The following JARID2 variants were observed in gnomAD, a reference collection of about 807,000 sequenced individuals.
JARID2 encodes jumonji and AT-rich interaction domain containing 2.
Under a neutral mutation model 125.6 loss-of-function variants are expected in JARID2, and 21 were observed. That is an observed-to-expected ratio of 0.17 (90% CI 0.12 to 0.24). The LOEUF (loss-of-function observed/expected upper bound fraction) is 0.24. Among genes scored for constraint, JARID2 ranks in the 10% least tolerant of loss-of-function variants. The probability of loss-of-function intolerance (pLI) is 1.00; values close to 1 mark genes in which losing one functional copy is unlikely to be tolerated. For missense variants in JARID2, 1,303 were observed against 1,639.6 expected (o/e 0.79, Z 3.55); for synonymous variants, 736 against 661.6 (o/e 1.11, Z -1.73).
chr6:15,447,514 G>A (rs978669268), intron 3 of JARID2, among the ~76,000 whole-genome samples: 7 of 152,190 alleles, frequency 4.6e-5, no homozygotes, highest in African/African-American at 1.7e-4. Context: ...CCCAAGGCTT[G>A]GGAGGGCACG....
intron 8 of JARID2, among the ~76,000 whole-genome samples, chr6:15,504,040 C>T (rs748916056): frequency 4.5e-5 from 6 of 132,866 alleles, no homozygotes; most frequent in Admixed American, 7.3e-5. Flanking sequence ...GTAGATGTCG[C>T]ACCAGTTTCT....
At chr6:15,336,091 GAA>G (rs1762866978) in intron 1 of JARID2, among the ~76,000 whole-genome samples, 1 of 128,630 alleles carries the variant, frequency 7.8e-6, no homozygotes, top group Admixed American at 8.8e-5. Context: ...AAGGGTGAAT[GAA>G]TGAATGAATG....
intron 1 of JARID2, among the ~76,000 whole-genome samples, chr6:15,292,697 C>T (rs1163244662): frequency 5.9e-5 from 9 of 152,138 alleles, no homozygotes; most frequent in Admixed American, 3.9e-4. Flanking sequence ...AGACGAGTCT[C>T]ACTCTTGTCA....
intron 3 of JARID2, among the ~76,000 whole-genome samples, chr6:15,428,760 G>C (rs1766836614): frequency 6.6e-6 from 1 of 151,964 alleles, no homozygotes; most frequent in African/African-American, 2.4e-5. Flanking sequence ...ACAAAAATTA[G>C]CTGGGCCTGG....
chr6:15,380,302 T>C (rs1409685616), intron 2 of JARID2, among the ~76,000 whole-genome samples: 1 of 152,152 alleles, frequency 6.6e-6, no homozygotes, highest in Non-Finnish European at 1.5e-5. Flanking sequence ...CCCCAAGTGC[T>C]GAGATTACAA....
At chr6:15,448,038 C>T (rs962080145) in intron 3 of JARID2, among the ~76,000 whole-genome samples, 5 of 152,154 alleles carry the variant, frequency 3.3e-5, no homozygotes, top group African/African-American at 9.7e-5. Context: ...TTAATCCCCA[C>T]GGGACTCTGC....
chr6:15,313,659 T>G, intron 1 of JARID2, among the ~76,000 whole-genome samples: 1 of 152,196 alleles, frequency 6.6e-6, no homozygotes. Flanking sequence ...CTTGTGGCAT[T>G]AGTGTTTTGA....
chr6:15,469,614 C>T (rs548829566), intron 5 of JARID2, among the ~76,000 whole-genome samples: 6 of 150,424 alleles, frequency 4.0e-5, no homozygotes, highest in South Asian at 2.1e-4. Context: ...CACGCCCAGC[C>T]GCCTAGTGGT....
chr6:15,520,308 G>GT lies in JARID2; in HGVS notation c.*60dup. On this transcript the variant is annotated 3_prime_UTR_variant, in exon 18 of 18. Transcript: ENST00000341776. ...ATTTTTTTGTAATTATTATATTCTA[G>GT]TTTGGAGTACTTGCTGTAGGATTCA... is the stretch of plus-strand genomic sequence containing the variant. 7.6e-7 allele frequency: 1 copy of GT among 1,320,838 alleles called. No homozygotes were observed. The highest frequency in any genetic ancestry group is 1.0e-6 in the Non-Finnish European group (1 of 984,432). 81.8% of individuals were successfully genotyped at this position (1,320,838 alleles called of 1,614,324 possible). A position where few individuals can be genotyped will look rare whatever the true frequency, so the allele number is the denominator to read the frequency against.
chr6:15,310,077 G>A (rs1478580943), intron 1 of JARID2, among the ~76,000 whole-genome samples: 1 of 152,130 alleles, frequency 6.6e-6, no homozygotes, highest in African/African-American at 2.4e-5. Context: ...TTAAGGCCAG[G>A]GAGGCTTTCC....
rs1771777103 is a variant in JARID2 at position 15,520,411 on chromosome 6, G to T, written c.*160G>T. On this transcript the variant is annotated 3_prime_UTR_variant, in exon 18 of 18. Coordinates refer to ENST00000341776, the MANE Select transcript of JARID2 (RefSeq NM_004973.4). The stretch of plus-strand genomic sequence containing the variant: ...AATTTTGTTTTAGCATTAAACTGTT[G>T]AACTTTTTTTTGTACTTAGAAAACC... The T allele has an allele frequency of 1.7e-6, 1 of 580,638 alleles. No individual in the cohort carries two copies. The highest frequency in any genetic ancestry group is 1.9e-5 in the African/African-American group (1 of 51,968). The allele number at this position is 580,638 out of a possible 1,614,324, so 36.0% of individuals were successfully genotyped here. A position where few individuals can be genotyped will look rare whatever the true frequency, so the allele number is the denominator to read the frequency against.
At chr6:15,365,357 GT>G (rs1187465548) in intron 1 of JARID2, among the ~76,000 whole-genome samples, 2 of 152,164 alleles carry the variant, frequency 1.3e-5, no homozygotes, top group Non-Finnish European at 2.9e-5. Context: ...ACTGCAGGAG[GT>G]TTTAATGCCG....
intron 2 of JARID2, among the ~76,000 whole-genome samples, chr6:15,377,946 C>T (rs965043738): frequency 1.3e-5 from 2 of 149,634 alleles, no homozygotes; most frequent in Admixed American, 6.7e-5. Context: ...AGTACAGTGG[C>T]GCTATCTCTG....
At chr6:15,423,464 T>C (rs1333394276) in intron 3 of JARID2, among the ~76,000 whole-genome samples, 2 of 152,138 alleles carry the variant, frequency 1.3e-5, no homozygotes, top group Non-Finnish European at 2.9e-5. Context: ...AGAGTTTGGA[T>C]GGGGAATGTG....
At chr6:15,403,289 T>A (rs1426186336) in intron 2 of JARID2, among the ~76,000 whole-genome samples, 1 of 152,176 alleles carries the variant, frequency 6.6e-6, no homozygotes, top group Non-Finnish European at 1.5e-5. Context: ...TGTTGTCTAT[T>A]TTTATTTATT....
intron 1 of JARID2, among the ~76,000 whole-genome samples, chr6:15,354,912 A>G (rs1274907427): frequency 6.6e-6 from 1 of 152,196 alleles, no homozygotes; most frequent in African/African-American, 2.4e-5. Flanking sequence ...AATATTAGAA[A>G]AGCCGGGGAG....
intron 4 of JARID2, among the ~76,000 whole-genome samples, chr6:15,452,468 T>C (rs1767960829): frequency 6.6e-6 from 1 of 152,232 alleles, no homozygotes. Flanking sequence ...TTGATTTCTC[T>C]GCACCATACC....
In JARID2 at chr6:15,487,372, G is replaced by A; in HGVS notation, c.736G>A (p.Ala246Thr). The change falls in exon 6 of 18, where the codon GCC (alanine) becomes ACC (threonine). Residue 246 changes from alanine (A) to threonine (T), a missense_variant. By Grantham distance (58) the Ala-to-Thr change is moderately conservative. Around this residue, in one of 11 missense-constraint regions of JARID2, gnomAD observed 651 missense variants for 581.6 expected, o/e 1.12. Coordinates refer to ENST00000341776, the MANE Select transcript of JARID2 (RefSeq NM_004973.4). Reference protein sequence around the residue: ...EPVQKHKSKEATPAKEKHSDH... With the variant: ...EPVQKHKSKETTPAKEKHSDH... ...TGTTCAAAAACACAAAAGCAAAGAG[G>A]CCACTCCCGCAAAGGAGAAGCACAG... The A allele has an allele frequency of 1.2e-6, 2 of 1,614,190 alleles. No homozygotes were observed. The highest frequency in any genetic ancestry group is 1.7e-6 in the Non-Finnish European group (2 of 1,180,034).
At chr6:15,417,055 G>A (rs918488078) in intron 3 of JARID2, among the ~76,000 whole-genome samples, 6 of 152,168 alleles carry the variant, frequency 3.9e-5, no homozygotes, top group African/African-American at 9.7e-5. Context: ...TTAGATGCAA[G>A]TAAATACGAG....
Sources: gnomAD v4.1 joint callset for allele counts (sites outside exome capture counted in the v4.1 genomes callset) on GRCh38, gnomAD v4.1.1 for gene constraint, gnomAD v4.1.1 regional missense constraint, MANE v1.5 for transcripts, NCBI Gene and HGNC (gene_info 2026-07-23, HGNC 2026-07-21) for gene names.